Variants in SPATS2L observed in about 807,000 individuals in gnomAD.
The protein encoded by SPATS2L is SPATS2-like protein.
A neutral mutation model predicts 59.6 loss-of-function variants in SPATS2L; 30 were observed. The observed-to-expected ratio is 0.50, with a 90% CI of 0.38 to 0.68. The LOEUF (loss-of-function observed/expected upper bound fraction) is 0.68, where lower values mean the gene tolerates loss of function less well. SPATS2L is among the 30% of genes least tolerant of loss of function. SPATS2L has a pLI of 0.00. For missense variants in SPATS2L, 615 were observed against 700.0 expected (o/e 0.88, Z 1.37); for synonymous variants, 252 against 263.5 (o/e 0.96, Z 0.42).
chr2:200,329,360 G>T, intron 1 of SPATS2L, 71 bp from the exon 2 acceptor site: 1 of 1,280,716 alleles, frequency 7.8e-7, no homozygotes, highest in South Asian at 1.3e-5. Flanking sequence ...GGTTTTGAGT[G>T]TGATGGGAAA....
rs951882936 is a variant in SPATS2L at position 200,398,030 on chromosome 2, C to T, written c.39+8747C>T. 5.3e-5 allele frequency among the ~76,000 whole-genome samples: 8 copies of T among 152,172 alleles called. No homozygotes were observed. The East Asian group carries it at 7.7e-4, about 15-fold the overall frequency. The stretch of plus-strand genomic sequence containing the variant: ...TCGAGCAGAGAATGTCTCAAACTTA[C>T]AATGCAGTATTGAATTTCGGCAGGC... On this transcript the variant is annotated intron_variant, in intron 3 of 12. Transcript: ENST00000409140.
rs368029544 is a variant in SPATS2L at position 200,376,184 on chromosome 2, T to C, written c.-22-13039T>C. On this transcript the variant is annotated intron_variant, in intron 2 of 12. Coordinates refer to ENST00000409140, the MANE Select transcript of SPATS2L (RefSeq NM_001100423.2). ...CTTTTTAAAAGGAAGGAATTCTTTT[T>C]GTAACGTATTAAATCTGTTAAAGTC... Among the ~76,000 whole-genome samples the C allele has an allele frequency of 1.4e-3, 219 of 152,322 alleles. 2 individuals are homozygous for C. Among genetic ancestry groups the C allele is most frequent in the African/African-American group, 4.9e-3 (205 of 41,576 alleles).
chr2:200,316,228 CAG>C (rs1336497811), intron 1 of SPATS2L, among the ~76,000 whole-genome samples: 1 of 152,100 alleles, frequency 6.6e-6, no homozygotes, highest in Non-Finnish European at 1.5e-5. Context: ...CAGTGTGACT[CAG>C]TGTCTTCTCT....
rs2087739172 is a variant in SPATS2L at position 200,479,971 on chromosome 2, A to G, written c.*1940A>G. 3 of 381,072 alleles carry G rather than the reference A, an allele frequency of 7.9e-6. No individual in the cohort carries two copies. Among genetic ancestry groups the G allele is most frequent in the South Asian group, 2.9e-4 (2 of 6,886 alleles). 23.6% of individuals were successfully genotyped at this position (381,072 alleles called of 1,614,324 possible). ...CAAATAAGAAAGATAAATGTTCGGC[A>G]CTGTAGGCCCTGTTTACCCCATCTG... On this transcript the variant is annotated 3_prime_UTR_variant, in exon 13 of 13. Transcript: ENST00000409140.
At position 200,477,321 on chromosome 2, in the gene SPATS2L, A is replaced by G. The variant is rs188162596; in HGVS notation, c.1282-315A>G. Among the ~76,000 whole-genome samples, 173 of 152,156 alleles carry G rather than the reference A, an allele frequency of 1.1e-3. 1 individual carries two copies. Among genetic ancestry groups the G allele is most frequent in the Non-Finnish European group, 3.7e-4 (25 of 68,014 alleles). On this transcript the variant is annotated intron_variant, in intron 12 of 12. Coordinates refer to ENST00000409140, the MANE Select transcript of SPATS2L (RefSeq NM_001100423.2). ...TTACTCTGCCCCTGGCTTCTGTTTT[A>G]TTCTGCTATAGTTTAAGCATCTTTA...
chr2:200,467,353 G>A lies in SPATS2L; in HGVS notation c.911G>A (p.Ser304Asn). Residue 304 changes from serine to asparagine, a missense_variant, in exon 10 of 13, where the codon AGT (serine) becomes AAT (asparagine). Ser to Asn is a conservative substitution (Grantham distance 46). Transcript: ENST00000409140. ...EELKRLTDLASQMAEMQLAEL... is the reference protein window; with the variant it reads ...EELKRLTDLANQMAEMQLAEL... ...CTAAAGAGACTCACTGACCTTGCCA[G>A]TCAGATGGCAGAGATGCAGCTGGCC... 1 of 1,614,056 alleles carries A rather than the reference G, an allele frequency of 6.2e-7. No individual in the cohort carries two copies. The highest frequency in any genetic ancestry group is 1.7e-5 in the Admixed American group (1 of 60,024).
At chr2:200,474,587 G>A (rs1350372954) in intron 12 of SPATS2L, among the ~76,000 whole-genome samples, 1 of 152,120 alleles carries the variant, frequency 6.6e-6, no homozygotes, top group Non-Finnish European at 1.5e-5. Context: ...ACAGGCATGA[G>A]CCACCATGCC....
chr2:200,312,793 A>G (rs569540821), intron 1 of SPATS2L, among the ~76,000 whole-genome samples: 1 of 152,324 alleles, frequency 6.6e-6, no homozygotes, highest in East Asian at 1.9e-4. Context: ...GATTTTCAAG[A>G]TTCCTTCCTA....
intron 8 of SPATS2L, among the ~76,000 whole-genome samples, chr2:200,446,367 A>G (rs1179748835): frequency 1.3e-5 from 2 of 152,190 alleles, no homozygotes; most frequent in African/African-American, 4.8e-5. Context: ...TTCTCTTGAC[A>G]TCTGTGGTTG....
intron 12 of SPATS2L, 24 bp from the exon 13 acceptor site, chr2:200,477,612 C>A: frequency 7.2e-7 from 1 of 1,398,224 alleles, no homozygotes; most frequent in Non-Finnish European, 9.4e-7. Flanking sequence ...GCATCTGATA[C>A]TTATCTCTTT....
chr2:200,416,260 C>T, intron 4 of SPATS2L, 119 bp from the exon 5 acceptor site: 1 of 369,606 alleles, frequency 2.7e-6, no homozygotes, highest in East Asian at 4.0e-5. Context: ...TGTATCAAAA[C>T]AAATGAAAAA....
At chr2:200,308,705 G>A (rs1346549655) in intron 1 of SPATS2L, among the ~76,000 whole-genome samples, 1 of 152,178 alleles carries the variant, frequency 6.6e-6, no homozygotes, top group Non-Finnish European at 1.5e-5. Context: ...TCACTTGAAT[G>A]CAGAGAATAG....
intron 3 of SPATS2L, among the ~76,000 whole-genome samples, chr2:200,404,325 G>A (rs2082623629): frequency 6.6e-6 from 1 of 152,194 alleles, no homozygotes; most frequent in African/African-American, 2.4e-5. Flanking sequence ...GAAAGAATAG[G>A]GAGCAGGTAA....
intron 2 of SPATS2L, 76 bp downstream of exon 2, chr2:200,329,556 C>A (rs3739119): frequency 0.56 from 729,113 of 1,306,394 alleles, 208,827 homozygotes; most frequent in East Asian, 0.77. Flanking sequence ...CCTGCAGCTG[C>A]CTCCTGGGAG....
At chr2:200,379,787 T>C (rs1231391042) in intron 2 of SPATS2L, among the ~76,000 whole-genome samples, 1 of 152,136 alleles carries the variant, frequency 6.6e-6, no homozygotes, top group Non-Finnish European at 1.5e-5. Flanking sequence ...ACCTCTTCTC[T>C]GCTTCACATA....
At chr2:200,432,574 T>C (rs1283412992) in intron 6 of SPATS2L, among the ~76,000 whole-genome samples, 1 of 152,152 alleles carries the variant, frequency 6.6e-6, no homozygotes, top group East Asian at 1.9e-4. Context: ...TCTCAATGCA[T>C]CATCCAAAAT....
At chr2:200,374,867 A>G (rs2081544873) in intron 2 of SPATS2L, among the ~76,000 whole-genome samples, 1 of 152,206 alleles carries the variant, frequency 6.6e-6, no homozygotes, top group Non-Finnish European at 1.5e-5. Context: ...AATATATGGT[A>G]TTATATTTAG....
chr2:200,376,173 G>A (rs2081592492), intron 2 of SPATS2L, among the ~76,000 whole-genome samples: 2 of 152,096 alleles, frequency 1.3e-5, no homozygotes, highest in South Asian at 4.1e-4. Flanking sequence ...TTAAAAGGAA[G>A]GAATTCTTTT....
At chr2:200,334,457 G>T (rs1314968233) in intron 2 of SPATS2L, among the ~76,000 whole-genome samples, 6 of 151,516 alleles carry the variant, frequency 4.0e-5, no homozygotes, top group Admixed American at 3.9e-4. Context: ...CATTCTGTAG[G>T]TTGCCTGTTC....
Sources: gnomAD v4.1 joint callset for allele counts (sites outside exome capture counted in the v4.1 genomes callset) on GRCh38, gnomAD v4.1.1 for gene constraint, MANE v1.5 for transcripts, NCBI Gene and HGNC (gene_info 2026-07-23, HGNC 2026-07-21) for gene names.